Variants in SMYD3 observed in about 807,000 individuals in gnomAD.
SMYD3 encodes the protein SET and MYND domain containing 3, also known as histone-lysine N-methyltransferase SMYD3.
SMYD3 carries 36 observed loss-of-function variants against 57.7 expected under a neutral mutation model. The observed-to-expected ratio is 0.62, with a 90% CI of 0.48 to 0.82. SMYD3 has a LOEUF of 0.82. Among genes scored for constraint, SMYD3 ranks in the 40% least tolerant of loss-of-function variants. The probability of loss-of-function intolerance (pLI) is 0.00; values close to 1 mark genes in which losing one functional copy is unlikely to be tolerated. For missense variants in SMYD3, 515 were observed against 538.8 expected (o/e 0.96, Z 0.44); for synonymous variants, 211 against 195.0 (o/e 1.08, Z -0.68).
intron 1 of SMYD3, among the ~76,000 whole-genome samples, chr1:246,394,083 ATAAC>A (rs2066616517): frequency 1.3e-5 from 2 of 152,310 alleles, no homozygotes; most frequent in South Asian, 4.1e-4. Context: ...ATCCTAATAA[ATAAC>A]TGTTATCCTT....
chr1:245,938,837 A>G (rs901078690), intron 5 of SMYD3, among the ~76,000 whole-genome samples: 12 of 152,306 alleles, frequency 7.9e-5, no homozygotes, highest in Middle Eastern at 3.4e-3. Context: ...CTAAAACACC[A>G]GCATACTGCC....
At chr1:245,972,730 T>C (rs1016371504) in intron 5 of SMYD3, among the ~76,000 whole-genome samples, 7 of 152,234 alleles carry the variant, frequency 4.6e-5, no homozygotes, top group Non-Finnish European at 1.0e-4. Context: ...CTGGCCCTGC[T>C]GGGCTCCTTT....
intron 8 of SMYD3, among the ~76,000 whole-genome samples, 178 bp downstream of exon 8, chr1:245,915,352 G>A (rs1335284749): frequency 6.6e-6 from 1 of 152,122 alleles, no homozygotes; most frequent in Non-Finnish European, 1.5e-5. Context: ...TCAGCTTGGT[G>A]GGTGACAAAA....
chr1:245,888,211 G>A (rs9287194), intron 8 of SMYD3, among the ~76,000 whole-genome samples: 2 of 152,032 alleles, frequency 1.3e-5, no homozygotes, highest in Non-Finnish European at 2.9e-5. Context: ...GGTCTTAAAT[G>A]GACACTTAAA....
At chr1:246,505,373 A>C (rs1397857998) in intron 1 of SMYD3, among the ~76,000 whole-genome samples, 1 of 152,180 alleles carries the variant, frequency 6.6e-6, no homozygotes, top group Admixed American at 6.5e-5. Flanking sequence ...AAAAGCCAGT[A>C]TCACAAAGAA....
intron 1 of SMYD3, among the ~76,000 whole-genome samples, chr1:246,417,849 G>T (rs1357434005): frequency 2.0e-5 from 3 of 152,142 alleles, no homozygotes; most frequent in Admixed American, 6.5e-5. Context: ...GCAAGAAGGG[G>T]ACCAGTTTCA....
intron 1 of SMYD3, among the ~76,000 whole-genome samples, chr1:246,476,555 G>A (rs913760260): frequency 3.3e-5 from 5 of 152,154 alleles, no homozygotes; most frequent in Admixed American, 3.3e-4. Flanking sequence ...ACCCAACTAA[G>A]CATCAAGAAA....
intron 10 of SMYD3, among the ~76,000 whole-genome samples, chr1:245,812,876 C>G (rs971565546): frequency 5.9e-5 from 9 of 151,474 alleles, no homozygotes; most frequent in African/African-American, 2.2e-4. Flanking sequence ...AAAATACAGA[C>G]TACTGTGGGT....
chr1:246,010,882 A>AT (rs1558149210), intron 5 of SMYD3, among the ~76,000 whole-genome samples: 3 of 152,222 alleles, frequency 2.0e-5, no homozygotes, highest in Non-Finnish European at 4.4e-5. Flanking sequence ...TTCCCCAAGG[A>AT]AAGGTGTGCT....
intron 11 of SMYD3, 100 bp from the exon 12 acceptor site, chr1:245,749,764 C>G (rs1188585782): frequency 1.2e-6 from 1 of 823,874 alleles, no homozygotes; most frequent in Non-Finnish European, 2.0e-6. Flanking sequence ...GTGAACCCCA[C>G]AGGTTTACAG....
chr1:246,392,193 A>T (rs1456900181), intron 1 of SMYD3, among the ~76,000 whole-genome samples: 1 of 152,218 alleles, frequency 6.6e-6, no homozygotes, highest in Admixed American at 6.5e-5. Context: ...AATGAAGGAT[A>T]AACGAACAAA....
intron 5 of SMYD3, among the ~76,000 whole-genome samples, chr1:246,290,333 T>C (rs12085293): frequency 0.04 from 6,078 of 152,280 alleles, 405 homozygotes; most frequent in African/African-American, 0.14. Context: ...TTCATTTCAG[T>C]TACTGTTCTC....
intron 5 of SMYD3, among the ~76,000 whole-genome samples, chr1:246,114,893 G>A (rs537622863): frequency 1.8e-5 from 2 of 108,880 alleles, no homozygotes; most frequent in Non-Finnish European, 2.5e-5. Context: ...GCCTCCCAAA[G>A]TACTAGGATT....
intron 8 of SMYD3, among the ~76,000 whole-genome samples, chr1:245,899,918 G>A (rs1298726701): frequency 6.6e-6 from 1 of 152,096 alleles, no homozygotes; most frequent in Non-Finnish European, 1.5e-5. Flanking sequence ...CCAGCTTTTG[G>A]AACAGAACTT....
chr1:245,762,989 T>C (rs1018283237), intron 11 of SMYD3, among the ~76,000 whole-genome samples: 4 of 152,098 alleles, frequency 2.6e-5, no homozygotes, highest in African/African-American at 9.7e-5. Flanking sequence ...GAGCTCTCCT[T>C]TGGAAGGGTC....
rs563103181 is a variant in SMYD3, at chr1:245,960,313, C to T, written c.532-30376G>A. 2.0e-5 allele frequency among the ~76,000 whole-genome samples: 3 copies of T among 152,330 alleles called. No homozygotes were observed. The East Asian group carries it at 5.8e-4, about 29-fold the overall frequency. On this transcript the variant is annotated intron_variant, in intron 5 of 11. Transcript: ENST00000490107. ...GTAAGGTTGACTCCACAGGAAAAGA[C>T]TGATTCACATGGCTTTGTTATCATT...
chr1:245,794,662 A>G (rs941408069), intron 10 of SMYD3, among the ~76,000 whole-genome samples: 1 of 152,230 alleles, frequency 6.6e-6, no homozygotes, highest in African/African-American at 2.4e-5. Flanking sequence ...GATAGTCTCA[A>G]AATATCCCTC....
chr1:245,944,567 A>G (rs998675630), intron 5 of SMYD3, among the ~76,000 whole-genome samples: 2 of 152,260 alleles, frequency 1.3e-5, no homozygotes, highest in Non-Finnish European at 2.9e-5. Context: ...CATACTGCCC[A>G]AAGTAATTTA....
intron 1 of SMYD3, among the ~76,000 whole-genome samples, chr1:246,475,231 C>T (rs1015044144): frequency 1.3e-5 from 2 of 150,872 alleles, no homozygotes; most frequent in African/African-American, 4.9e-5. Context: ...ACTTGGGAGA[C>T]TGAGGGAGAA....
Sources: gnomAD v4.1 joint callset for allele counts (sites outside exome capture counted in the v4.1 genomes callset) on GRCh38, gnomAD v4.1.1 for gene constraint, MANE v1.5 for transcripts, NCBI Gene and HGNC (gene_info 2026-07-23, HGNC 2026-07-21) for gene names.